Variants in PPM1H observed in about 807,000 individuals in gnomAD.
PPM1H encodes the protein protein phosphatase 1H.
In PPM1H, 27 loss-of-function variants were observed where a neutral mutation model predicts 54.9. The ratio of observed to expected loss-of-function variants is 0.49; its 90% CI spans 0.36 to 0.68. The LOEUF (loss-of-function observed/expected upper bound fraction) is 0.68. Among genes scored for constraint, PPM1H ranks in the 30% least tolerant of loss-of-function variants. The pLI is 0.00. For missense variants in PPM1H, 596 were observed against 667.8 expected (o/e 0.89, Z 1.19); for synonymous variants, 305 against 270.8 (o/e 1.13, Z -1.24).
chr12:62,697,008 G>A (rs2076118446), intron 6 of PPM1H, among the ~76,000 whole-genome samples: 1 of 152,200 alleles, frequency 6.6e-6, no homozygotes, highest in Non-Finnish European at 1.5e-5. Flanking sequence ...AAAGAGGAAG[G>A]GGAATTTTCT....
chr12:62,780,238 T>G (rs2076633519), intron 4 of PPM1H, among the ~76,000 whole-genome samples: 1 of 152,140 alleles, frequency 6.6e-6, no homozygotes, highest in Non-Finnish European at 1.5e-5. Context: ...TTAAATTTAC[T>G]GTCTACTTAA....
chr12:62,923,451 G>T (rs1871867461), intron 1 of PPM1H, among the ~76,000 whole-genome samples: 1 of 152,244 alleles, frequency 6.6e-6, no homozygotes, highest in Admixed American at 6.5e-5. Context: ...CCCCAGGCTG[G>T]AGTGCAATGG....
chr12:62,763,858 G>A (rs1444758539), intron 4 of PPM1H, among the ~76,000 whole-genome samples: 6 of 152,144 alleles, frequency 3.9e-5, no homozygotes, highest in African/African-American at 7.2e-5. Flanking sequence ...CACTCATGGT[G>A]GACTATTAAT....
At chr12:62,822,773 T>G (rs1217321078) in intron 2 of PPM1H, among the ~76,000 whole-genome samples, 1 of 151,938 alleles carries the variant, frequency 6.6e-6, no homozygotes, top group African/African-American at 2.4e-5. Flanking sequence ...TAGCACTAAA[T>G]GCACACAAGA....
rs139617099 is a variant in PPM1H, at chr12:62,690,158, C to T, written c.1138-352G>A. Among the ~76,000 whole-genome samples the T allele has an allele frequency of 2.5e-3, 378 of 152,168 alleles. 1 individual carries two copies. The highest frequency in any genetic ancestry group is 8.6e-3 in the African/African-American group (355 of 41,500). ...CTGCAGAAATCAGTTCATATCAAAC[C>T]CAATAGGATTGATCGATCCATCCAT... On this transcript the variant is annotated intron_variant, in intron 7 of 9. Coordinates refer to ENST00000228705, the MANE Select transcript of PPM1H (RefSeq NM_020700.2).
chr12:62,875,228 A>G (rs995485984), intron 1 of PPM1H, among the ~76,000 whole-genome samples: 1 of 152,248 alleles, frequency 6.6e-6, no homozygotes, highest in Non-Finnish European at 1.5e-5. Flanking sequence ...CAACAGGGAC[A>G]TGGTTCTGGG....
chr12:62,650,227 C>T (rs2075807991), intron 9 of PPM1H, among the ~76,000 whole-genome samples: 1 of 152,166 alleles, frequency 6.6e-6, no homozygotes, highest in Non-Finnish European at 1.5e-5. Context: ...TCTATTTGTA[C>T]AGCCCAGATA....
intron 5 of PPM1H, among the ~76,000 whole-genome samples, chr12:62,725,138 G>T (rs139642130): frequency 1.6e-4 from 24 of 152,336 alleles, no homozygotes; most frequent in African/African-American, 4.8e-4. Context: ...GCAAGTCTGA[G>T]TCACACCTCC....
chr12:62,925,307 A>AGT (rs767516084), intron 1 of PPM1H, among the ~76,000 whole-genome samples: 1 of 152,042 alleles, frequency 6.6e-6, no homozygotes, highest in Non-Finnish European at 1.5e-5. Flanking sequence ...GGTGGGGTAC[A>AGT]GTGACTCACA....
chr12:62,923,743 G>A lies in PPM1H; in HGVS notation c.245+10749C>T, dbSNP rs143150459. ...AAATGCTGGGGGAGAAAATAATTCC[G>A]AGTTATAATCAAAATAAAGGAGGCA... On this transcript the variant is annotated intron_variant, in intron 1 of 9. Transcript: ENST00000228705. Among the ~76,000 whole-genome samples the A allele has an allele frequency of 1.8e-3, 272 of 152,186 alleles. 1 individual carries two copies. Among genetic ancestry groups the A allele is most frequent in the African/African-American group, 4.3e-3 (178 of 41,516 alleles).
intron 8 of PPM1H, among the ~76,000 whole-genome samples, chr12:62,685,664 C>T (rs982614036): frequency 3.9e-5 from 6 of 152,164 alleles, no homozygotes; most frequent in African/African-American, 1.4e-4. Flanking sequence ...TCAAGGGATA[C>T]CAAGTTTCAG....
chr12:62,862,145 C>A (rs1869624428), intron 1 of PPM1H, among the ~76,000 whole-genome samples: 1 of 152,158 alleles, frequency 6.6e-6, no homozygotes, highest in African/African-American at 2.4e-5. Context: ...AAGATCATGA[C>A]AGACCCAGAG....
intron 1 of PPM1H, among the ~76,000 whole-genome samples, chr12:62,851,181 C>T (rs1869173250): frequency 6.6e-6 from 1 of 152,096 alleles, no homozygotes; most frequent in African/African-American, 2.4e-5. Flanking sequence ...AATGGTGATT[C>T]CAGATACGAG....
At chr12:62,832,387 GC>G in intron 1 of PPM1H, 108 bp from the exon 2 acceptor site, 3 of 1,036,952 alleles carry the variant, frequency 2.9e-6, no homozygotes, top group Non-Finnish European at 4.2e-6. Flanking sequence ...CAGAACTACA[GC>G]CCTGCTTAAT....
intron 1 of PPM1H, among the ~76,000 whole-genome samples, chr12:62,895,514 C>T (rs147577194): frequency 3.3e-5 from 5 of 151,768 alleles, no homozygotes; most frequent in African/African-American, 9.7e-5. Context: ...CCTACTGCTA[C>T]GGTTTGCATA....
chr12:62,908,594 C>T (rs139902778), intron 1 of PPM1H, among the ~76,000 whole-genome samples: 10 of 152,174 alleles, frequency 6.6e-5, no homozygotes, highest in Admixed American at 6.5e-5. Flanking sequence ...TAGAAGTCCA[C>T]GGCACAAATA....
intron 1 of PPM1H, among the ~76,000 whole-genome samples, chr12:62,918,740 A>G (rs1592670715): frequency 6.6e-6 from 1 of 152,242 alleles, no homozygotes; most frequent in Non-Finnish European, 1.5e-5. Flanking sequence ...TACAACCATA[A>G]ATAGAATACA....
chr12:62,830,830 A>G (rs962607108), intron 2 of PPM1H, among the ~76,000 whole-genome samples: 45 of 151,992 alleles, frequency 3.0e-4, no homozygotes, highest in African/African-American at 9.4e-4. Flanking sequence ...ATCCCTGAGC[A>G]TAGACGCAAT....
chr12:62,908,252 C>A (rs1871357910), intron 1 of PPM1H, among the ~76,000 whole-genome samples: 1 of 151,798 alleles, frequency 6.6e-6, no homozygotes. Context: ...ACTAAAAGTA[C>A]AAAAATTAGC....
Sources: allele counts gnomAD v4.1 joint callset (sites outside exome capture counted in the v4.1 genomes callset), GRCh38; gene constraint gnomAD v4.1.1; transcripts MANE v1.5; gene names NCBI Gene and HGNC (gene_info 2026-07-23, HGNC 2026-07-21).